The following TRIM35 variants were observed in gnomAD, a reference collection of about 807,000 sequenced individuals.
The protein encoded by TRIM35 is E3 ubiquitin-protein ligase TRIM35.
Under a neutral mutation model 49.1 loss-of-function variants are expected in TRIM35, and 37 were observed. That is an observed-to-expected ratio of 0.75 (90% CI 0.58 to 0.99). TRIM35 has a LOEUF of 0.99. Among genes scored for constraint, TRIM35 ranks in the 50% least tolerant of loss-of-function variants. TRIM35 has a pLI of 0.00. For missense variants in TRIM35, 648 were observed against 702.7 expected (o/e 0.92, Z 0.88); for synonymous variants, 302 against 289.3 (o/e 1.04, Z -0.45).
chr8:27,291,973 T>C (rs1802465075), intron 3 of TRIM35, among the ~76,000 whole-genome samples: 1 of 152,220 alleles, frequency 6.6e-6, no homozygotes, highest in African/African-American at 2.4e-5. Context: ...TCACTTCTTA[T>C]TAGGCTCCAC....
intron 1 of TRIM35, among the ~76,000 whole-genome samples, chr8:27,309,631 AC>A (rs1802861895): frequency 6.6e-6 from 1 of 152,102 alleles, no homozygotes; most frequent in South Asian, 2.1e-4. Context: ...TGGGGCTCTG[AC>A]TCATGCATTA....
chr8:27,292,727 G>C (rs1802479858), intron 3 of TRIM35, among the ~76,000 whole-genome samples: 1 of 152,154 alleles, frequency 6.6e-6, no homozygotes, highest in South Asian at 2.1e-4. Context: ...GCTAAAGCAG[G>C]GCTGCTTTTG....
intron 5 of TRIM35, among the ~76,000 whole-genome samples, 164 bp from the exon 6 acceptor site, chr8:27,288,291 C>T (rs540150917): frequency 4.5e-4 from 69 of 152,212 alleles, no homozygotes; most frequent in African/African-American, 1.6e-3. Context: ...GCTGTATCCC[C>T]CAGAAGATAT....
intron 2 of TRIM35, among the ~76,000 whole-genome samples, chr8:27,297,100 G>A (rs1445575217): frequency 6.6e-6 from 1 of 151,614 alleles, no homozygotes; most frequent in Non-Finnish European, 1.5e-5. Flanking sequence ...CTGGCACCCA[G>A]TGTGTCACAT....
At chr8:27,298,402 A>T in intron 2 of TRIM35, 62 bp downstream of exon 2, 1 of 1,513,552 alleles carries the variant, frequency 6.6e-7, no homozygotes, top group South Asian at 1.1e-5. Context: ...ACACATCTTC[A>T]CTCCTCCCCA....
At position 27,310,861 on chromosome 8, in the gene TRIM35, G is replaced by A. The variant is rs1292604559; in HGVS notation, c.375C>T (p.Ala125=). Residue 125 remains alanine (A), a synonymous_variant, in exon 1 of 6, where the codon GCC becomes GCT. Coordinates refer to ENST00000305364, the MANE Select transcript of TRIM35 (RefSeq NM_171982.5). Reference sequence around the variant, plus strand: ...CGCGGTGCCCCTGGTGTCGGGGGTCGGCCTGGCAGGAGCAGCACAGCAGCT... The same window carrying A: ...CGCGGTGCCCCTGGTGTCGGGGGTCAGCCTGGCAGGAGCAGCACAGCAGCT... The part of the protein sequence containing the change: ...DKELLCCSCQ[A]DPRHQGHRVQ... The A allele has an allele frequency of 6.8e-6, 11 of 1,610,188 alleles. No individual in the cohort carries two copies. The highest frequency in any genetic ancestry group is 1.3e-5 in the African/African-American group (1 of 74,872).
At position 27,291,165 on chromosome 8, in the gene TRIM35, T is replaced by TA. The variant is rs60786685; in HGVS notation, c.763-988dup. On this transcript the variant is annotated intron_variant, in intron 3 of 5. Coordinates refer to ENST00000305364, the MANE Select transcript of TRIM35 (RefSeq NM_171982.5). The stretch of plus-strand genomic sequence containing the variant: ...GACCTACATGAAGAGCTAAAACCGA[T>TA]AAAAAACTTGTATCTAGACTATATA... 9.8e-3 allele frequency among the ~76,000 whole-genome samples: 1,278 copies of TA among 130,262 alleles called. 15 individuals carry two copies. The highest frequency in any genetic ancestry group is 0.033 in the African/African-American group (1,144 of 34,682). 85.5% of individuals were successfully genotyped at this position (130,262 alleles called of 152,430 possible).
intron 2 of TRIM35, among the ~76,000 whole-genome samples, chr8:27,294,874 T>C (rs1004379262): frequency 6.6e-6 from 1 of 152,054 alleles, no homozygotes; most frequent in Non-Finnish European, 1.5e-5. Flanking sequence ...TAGGCTGGAG[T>C]GCAGTGGTGT....
At position 27,286,332 on chromosome 8, in the gene TRIM35, A is replaced by T; in HGVS notation, c.*1218T>A. The T allele has an allele frequency of 2.7e-6, 1 of 368,434 alleles. No homozygotes were observed. The allele number at this position is 368,434 out of a possible 1,614,324, so 22.8% of individuals were successfully genotyped here. ...CCAGGCTGAAGTCAGCAGAGACAAG[A>T]GGGCAGCGAGGCCCAGCCTCCTCTT... On this transcript the variant is annotated 3_prime_UTR_variant, in exon 6 of 6. Coordinates refer to ENST00000305364, the MANE Select transcript of TRIM35 (RefSeq NM_171982.5).
intron 2 of TRIM35, among the ~76,000 whole-genome samples, chr8:27,296,233 C>T (rs994335579): frequency 2.0e-5 from 3 of 149,784 alleles, no homozygotes; most frequent in Non-Finnish European, 2.9e-5. Flanking sequence ...GGTAAATGTG[C>T]GCCATGGTGG....
Position 27,294,206 on chromosome 8 carries a change from C to T in TRIM35, c.636G>A (p.Glu212=), listed in dbSNP as rs1457173314. Residue 212 remains glutamate (E), a synonymous_variant, in exon 3 of 6, where the codon GAG becomes GAA. Coordinates refer to ENST00000305364, the MANE Select transcript of TRIM35 (RefSeq NM_171982.5). ...EQAILDAMAE[E]TRQKQLLADE... Reference sequence around the variant, plus strand: ...CGGCCAGAAGTTGCTTCTGCCTTGTCTCCTCGGCCATGGCATCCAGAATGG... The same window carrying T: ...CGGCCAGAAGTTGCTTCTGCCTTGTTTCCTCGGCCATGGCATCCAGAATGG... 2 of 1,614,216 alleles carry T rather than the reference C, an allele frequency of 1.2e-6. No individual in the cohort carries two copies. Among genetic ancestry groups the T allele is most frequent in the South Asian group, 2.2e-5 (2 of 91,082 alleles).
At chr8:27,303,214 T>C (rs1275132762) in intron 1 of TRIM35, among the ~76,000 whole-genome samples, 2 of 152,224 alleles carry the variant, frequency 1.3e-5, no homozygotes, top group Non-Finnish European at 1.5e-5. Context: ...TTCGTTTTCT[T>C]ATCCAGTCAG....
chr8:27,304,973 C>A (rs891429713), intron 1 of TRIM35: 1 of 366,574 alleles, frequency 2.7e-6, no homozygotes, highest in African/African-American at 2.1e-5. Flanking sequence ...ACCTGGCCGA[C>A]CAGGTTCAAA....
intron 1 of TRIM35, among the ~76,000 whole-genome samples, chr8:27,304,401 T>G (rs536608299): frequency 3.3e-5 from 5 of 152,328 alleles, no homozygotes; most frequent in Admixed American, 1.3e-4. Flanking sequence ...TTCCCCCAAC[T>G]AACCCAACAT....
In TRIM35 at chr8:27,285,975, GC is replaced by G; in HGVS notation, c.*1574del. The G allele has an allele frequency of 2.5e-6, 1 of 392,536 alleles. No individual in the cohort carries two copies. Among genetic ancestry groups the G allele is most frequent in the South Asian group, 1.9e-5 (1 of 53,454 alleles). 24.3% of individuals were successfully genotyped at this position (392,536 alleles called of 1,614,324 possible). ...ATCGCCTACCTGGGCCCTCCTTGTG[GC>G]CTTAAGTTTTATCTAACCAGTGTAC... On this transcript the variant is annotated 3_prime_UTR_variant, in exon 6 of 6. Coordinates refer to ENST00000305364, the MANE Select transcript of TRIM35 (RefSeq NM_171982.5).
chr8:27,297,944 GTTTT>G (rs1802603248), intron 2 of TRIM35, among the ~76,000 whole-genome samples: 1 of 152,216 alleles, frequency 6.6e-6, no homozygotes, highest in African/African-American at 2.4e-5. Flanking sequence ...CACGGCTGGT[GTTTT>G]TTTCTAAACG....
intron 2 of TRIM35, among the ~76,000 whole-genome samples, chr8:27,294,794 C>T (rs1225594148): frequency 6.6e-6 from 1 of 151,172 alleles, no homozygotes; most frequent in East Asian, 1.9e-4. Context: ...ATAATATACA[C>T]ACTCCAAATC....
chr8:27,309,982 C>CAAAAAAA (rs10561313), intron 1 of TRIM35, among the ~76,000 whole-genome samples: 1 of 131,522 alleles, frequency 7.6e-6, no homozygotes, highest in Non-Finnish European at 1.7e-5. Flanking sequence ...ATAGAGGTCT[C>CAAAAAAA]AAAAAAAAAA....
chr8:27,287,625 T>C lies in TRIM35; in HGVS notation c.1407A>G (p.Ala469=). The change falls in exon 6 of 6, where the codon GCA becomes GCG. Residue 469 remains alanine, a synonymous_variant. Transcript: ENST00000305364. The surrounding 1 kb of genome is among the most constrained non-coding windows in gnomAD (Gnocchi z 6.0). ...AAGGCTCTGGAGGCCCGGCGCCCCG[T>C]GCACCCCCCAGGTAGAAGTAGGGGC... The part of the protein sequence containing the change: ...EVRPYFYLGG[A]RGAGPPEPLR... The C allele has an allele frequency of 1.2e-6, 2 of 1,608,036 alleles. No homozygotes were observed. Among genetic ancestry groups the C allele is most frequent in the South Asian group, 2.2e-5 (2 of 89,910 alleles).
Sources: allele counts gnomAD v4.1 joint callset (sites outside exome capture counted in the v4.1 genomes callset), GRCh38; gene constraint gnomAD v4.1.1; non-coding constraint Gnocchi (gnomAD v3.1); transcripts MANE v1.5; gene names NCBI Gene and HGNC (gene_info 2026-07-23, HGNC 2026-07-21).